The following MALRD1 variants were observed in gnomAD, a reference collection of about 807,000 sequenced individuals.
The protein encoded by MALRD1 is MAM and LDL receptor class A domain containing 1, also known as MAM and LDL-receptor class A domain-containing protein 1.
In MALRD1, 247 loss-of-function variants were observed where a neutral mutation model predicts 242.1. That is an observed-to-expected ratio of 1.02 (90% confidence interval 0.92 to 1.13). The LOEUF is 1.13. Among genes scored for constraint, MALRD1 ranks in the 50% most tolerant of loss-of-function variants. The pLI is 0.00. For missense variants in MALRD1, 2,989 were observed against 2,533.1 expected, an observed-to-expected ratio of 1.18 and a Z score of -3.86; for synonymous variants, 995 against 866.6, an observed-to-expected ratio of 1.15 and a Z score of -2.60.
chr10:19,296,791 A>G (rs997840620), intron 21 of MALRD1, among the ~76,000 whole-genome samples: 1 of 151,604 alleles, frequency 6.6e-6, no homozygotes, highest in Non-Finnish European at 1.5e-5. Flanking sequence ...AGCAATTGTT[A>G]ATTATGTTAT....
In MALRD1 at chr10:19,136,738, G is replaced by T; in HGVS notation, c.1368G>T (p.Arg456=). The T allele has an allele frequency of 8.1e-7, 1 of 1,231,660 alleles. No homozygotes were observed. The highest frequency in any genetic ancestry group is 1.0e-6 in the Non-Finnish European group (1 of 987,964). 76.3% of individuals were successfully genotyped at this position (1,231,660 alleles called of 1,614,324 possible). The part of the protein sequence containing the change: ...CIAKESVCDS[R]QDCSDESDED... ...CCAAAGAATCTGTCTGTGACTCTCG[G>T]CAGGACTGCTCCGATGAGAGTGATG... Residue 456 remains arginine (R), a synonymous_variant, in exon 10 of 40, where the codon CGG becomes CGT. Coordinates refer to ENST00000454679, the MANE Select transcript of MALRD1 (RefSeq NM_001142308.3).
chr10:19,100,030 G>A (rs936530054), intron 4 of MALRD1, among the ~76,000 whole-genome samples: 1 of 151,786 alleles, frequency 6.6e-6, no homozygotes, highest in African/African-American at 2.4e-5. Flanking sequence ...CAAAGTATTG[G>A]GATTATAGGT....
At chr10:19,235,410 T>C (rs970930306) in intron 18 of MALRD1, among the ~76,000 whole-genome samples, 6 of 152,054 alleles carry the variant, frequency 3.9e-5, no homozygotes, top group Admixed American at 3.3e-4. Flanking sequence ...TAGCCATTTG[T>C]ATGTGTTCTC....
At chr10:19,122,672 A>G (rs1837104277) in intron 5 of MALRD1, among the ~76,000 whole-genome samples, 1 of 152,076 alleles carries the variant, frequency 6.6e-6, no homozygotes, top group African/African-American at 2.4e-5. Context: ...AAGGACTCCT[A>G]GTCTACCTTC....
chr10:19,568,689 A>C (rs527757680), intron 33 of MALRD1, among the ~76,000 whole-genome samples: 2 of 137,782 alleles, frequency 1.5e-5, no homozygotes, highest in East Asian at 4.6e-4. Context: ...AATAAGAAAA[A>C]AATATATATT....
intron 30 of MALRD1, among the ~76,000 whole-genome samples, chr10:19,492,189 A>G (rs557267211): frequency 6.6e-6 from 1 of 152,180 alleles, no homozygotes; most frequent in South Asian, 2.1e-4. Flanking sequence ...AAAACTAAGT[A>G]TATAATTTTA....
intron 1 of MALRD1, among the ~76,000 whole-genome samples, chr10:19,056,945 C>T (rs1254818129): frequency 2.0e-5 from 3 of 152,006 alleles, no homozygotes; most frequent in Non-Finnish European, 1.5e-5. Flanking sequence ...GGTTTTTATC[C>T]TTCATTCTGT....
intron 38 of MALRD1, among the ~76,000 whole-genome samples, chr10:19,708,340 C>CT (rs545136011): frequency 0.04 from 3,007 of 76,022 alleles, 403 homozygotes; most frequent in African/African-American, 0.11. Flanking sequence ...TTTTCTTTTT[C>CT]TTTTTTTTTT....
chr10:19,446,973 C>T (rs983364085), intron 28 of MALRD1, among the ~76,000 whole-genome samples: 9 of 150,472 alleles, frequency 6.0e-5, no homozygotes, highest in East Asian at 2.0e-4. Flanking sequence ...GGTGAAGTAA[C>T]GACATATGTG....
intron 10 of MALRD1, among the ~76,000 whole-genome samples, chr10:19,144,016 C>T (rs754948800): frequency 6.6e-6 from 1 of 152,180 alleles, no homozygotes; most frequent in Non-Finnish European, 1.5e-5. Flanking sequence ...AAAAGAAAAA[C>T]ATAGCCAAGA....
At chr10:19,248,367 A>T (rs1839155519) in intron 18 of MALRD1, among the ~76,000 whole-genome samples, 1 of 151,116 alleles carries the variant, frequency 6.6e-6, no homozygotes, top group Admixed American at 6.7e-5. Context: ...AAAGTCAGTT[A>T]CATAATGAAT....
In MALRD1 at chr10:19,324,026, C is replaced by T. The variant is rs190717256; in HGVS notation, c.3497C>T (p.Pro1166Leu). The T allele has an allele frequency of 1.9e-4, 287 of 1,550,792 alleles. No individual in the cohort carries two copies. The African/African-American group carries it at 2.7e-3, about 14-fold the overall frequency. Reference protein sequence around the residue: ...KFGDTADILTPIISLTGPKCT... With the variant: ...KFGDTADILTLIISLTGPKCT... ...GGTGACACGGCTGACATTCTCACTC[C>T]TATCATTTCACTCACGGGACCAAAA... Residue 1166 changes from proline (P) to leucine (L), a missense_variant, in exon 22 of 40, where the codon CCT (proline) becomes CTT (leucine). Physicochemically the swap from Pro to Leu is moderately conservative, Grantham distance 98. Coordinates refer to ENST00000454679, the MANE Select transcript of MALRD1 (RefSeq NM_001142308.3).
At chr10:19,644,027 C>G (rs150580415) in intron 36 of MALRD1, among the ~76,000 whole-genome samples, 153 of 152,326 alleles carry the variant, frequency 1.0e-3, no homozygotes, top group Non-Finnish European at 1.6e-3. Flanking sequence ...AAAGAGCTCT[C>G]TCCTCTTGCC....
At chr10:19,247,628 A>G (rs10763899) in intron 18 of MALRD1, among the ~76,000 whole-genome samples, 62,952 of 151,648 alleles carry the variant, frequency 0.42, 13,493 homozygotes, top group Admixed American at 0.55. Flanking sequence ...CAGAGGCTTA[A>G]GTGACACCAA....
chr10:19,678,978 A>T (rs1374860673), intron 36 of MALRD1, among the ~76,000 whole-genome samples: 1 of 152,186 alleles, frequency 6.6e-6, no homozygotes, highest in Non-Finnish European at 1.5e-5. Flanking sequence ...GCATATGTTG[A>T]ACCAGCCTTG....
chr10:19,558,059 T>C (rs1158613856), intron 32 of MALRD1, among the ~76,000 whole-genome samples: 1 of 152,090 alleles, frequency 6.6e-6, no homozygotes, highest in East Asian at 1.9e-4. Flanking sequence ...TGTTCATTCC[T>C]GCTATATAAA....
chr10:19,718,137 G>GGAA (rs1486451704), intron 38 of MALRD1, among the ~76,000 whole-genome samples: 16 of 142,152 alleles, frequency 1.1e-4, no homozygotes, highest in African/African-American at 3.8e-4. Context: ...AGGAAGAAGA[G>GGAA]GAAGAGGAAG....
chr10:19,459,487 G>A (rs1168682883), intron 29 of MALRD1, among the ~76,000 whole-genome samples: 7 of 152,026 alleles, frequency 4.6e-5, no homozygotes, highest in African/African-American at 1.7e-4. Flanking sequence ...TTAAGCCTTA[G>A]AGCCCAATTA....
chr10:19,482,674 CACACACACACACACACAT>C (rs1270581028), intron 29 of MALRD1, among the ~76,000 whole-genome samples: 4 of 151,394 alleles, frequency 2.6e-5, no homozygotes, highest in Non-Finnish European at 5.9e-5. Flanking sequence ...CACACACACA[CACACACACACACACACAT>C]ACACACAAAG....
Sources: gnomAD v4.1 joint callset for allele counts (sites outside exome capture counted in the v4.1 genomes callset) on GRCh38, gnomAD v4.1.1 for gene constraint, MANE v1.5 for transcripts, NCBI Gene and HGNC (gene_info 2026-07-23, HGNC 2026-07-21) for gene names.